The following SARNP variants were observed in gnomAD, a reference collection of about 807,000 sequenced individuals.
SARNP encodes the protein SAP domain-containing ribonucleoprotein.
SARNP carries 5 observed loss-of-function variants against 38.1 expected under a neutral mutation model. The ratio of observed to expected loss-of-function variants is 0.13; its 90% confidence interval spans 0.07 to 0.28. The LOEUF (loss-of-function observed/expected upper bound fraction) is 0.28. Ranked by LOEUF, SARNP falls within the 10% of genes least tolerant of loss-of-function variation. The pLI is 1.00. For synonymous variants in SARNP, 84 were observed against 80.6 expected (o/e 1.04, Z -0.23); for missense variants, 180 against 243.9 (o/e 0.74, Z 1.75).
intron 1 of SARNP, among the ~76,000 whole-genome samples, chr12:55,812,695 A>AT (rs1215301225): frequency 9.9e-5 from 15 of 152,106 alleles, no homozygotes; most frequent in Non-Finnish European, 2.2e-4. Context: ...GTCATCTTTC[A>AT]TTTTTCCCAT....
rs541871424 is a variant in SARNP at position 55,806,982 on chromosome 12, G to C, written c.37-3254C>G. 2.6e-5 allele frequency among the ~76,000 whole-genome samples: 4 copies of C among 152,230 alleles called. No individual in the cohort carries two copies. The South Asian group carries it at 6.2e-4, about 24-fold the overall frequency. Reference sequence around the variant, plus strand: ...TTTATTTTATTTATTTTTAGAGACAGTGGTCTCGCCATGTTGCCCGGGCTG... The same window carrying C: ...TTTATTTTATTTATTTTTAGAGACACTGGTCTCGCCATGTTGCCCGGGCTG... On this transcript the variant is annotated intron_variant, in intron 1 of 10. Transcript: ENST00000336133.
At chr12:55,811,518 CCT>C (rs1043588082) in intron 1 of SARNP, among the ~76,000 whole-genome samples, 13 of 152,098 alleles carry the variant, frequency 8.5e-5, no homozygotes, top group South Asian at 6.2e-4. Context: ...TGCAGTGACC[CCT>C]GATTGTGCCA....
intron 9 of SARNP, among the ~76,000 whole-genome samples, chr12:55,787,581 C>T (rs907978538): frequency 1.3e-5 from 2 of 152,002 alleles, no homozygotes; most frequent in Admixed American, 6.6e-5. Context: ...GGATTACAGG[C>T]ATGTACCACC....
intron 9 of SARNP, among the ~76,000 whole-genome samples, chr12:55,779,286 TC>T (rs1021555380): frequency 6.6e-6 from 1 of 152,204 alleles, no homozygotes; most frequent in Non-Finnish European, 1.5e-5. Flanking sequence ...AAGCTCTTGA[TC>T]AGTGAGGTAT....
rs192370679 is a variant in SARNP at position 55,765,916 on chromosome 12, G to A, written c.502-5276C>T. 1.4e-4 allele frequency among the ~76,000 whole-genome samples: 21 copies of A among 152,138 alleles called. No homozygotes were observed. In the South Asian group the frequency reaches 2.7e-3, roughly 20 times the overall value. On this transcript the variant is annotated intron_variant, in intron 9 of 10. Coordinates refer to ENST00000336133, the MANE Select transcript of SARNP (RefSeq NM_033082.4). The stretch of plus-strand genomic sequence containing the variant: ...ATCTCTCTCACTTGACCCTTCTAGC[G>A]TGACGGTGTTGCATGGAAACAAACG...
chr12:55,810,493 C>T (rs549486421), intron 1 of SARNP, among the ~76,000 whole-genome samples: 2 of 150,068 alleles, frequency 1.3e-5, no homozygotes, highest in Admixed American at 1.3e-4. Context: ...ACTCTTGTCA[C>T]TCAGGCTGGA....
intron 1 of SARNP, among the ~76,000 whole-genome samples, chr12:55,815,620 C>T (rs374724663): frequency 6.6e-6 from 1 of 152,160 alleles, no homozygotes; most frequent in African/African-American, 2.4e-5. Flanking sequence ...CTTGCCACCA[C>T]ACCTGGCTAA....
chr12:55,775,892 A>C (rs1879167210), intron 9 of SARNP, among the ~76,000 whole-genome samples: 2 of 152,206 alleles, frequency 1.3e-5, no homozygotes, highest in Admixed American at 6.5e-5. Context: ...AAGCCTCTCA[A>C]GTATTAACAT....
chr12:55,766,687 A>G (rs2136180339), intron 9 of SARNP, among the ~76,000 whole-genome samples: 1 of 141,820 alleles, frequency 7.1e-6, no homozygotes, highest in South Asian at 2.2e-4. Flanking sequence ...TAGTGGCTCA[A>G]TGTCAGCTCA....
intron 9 of SARNP, among the ~76,000 whole-genome samples, chr12:55,783,952 C>G (rs1879413577): frequency 6.6e-6 from 1 of 152,036 alleles, no homozygotes; most frequent in African/African-American, 2.4e-5. Context: ...AGAAATCAAT[C>G]ATAAACATTA....
At chr12:55,766,786 C>T (rs1044065526) in intron 9 of SARNP, among the ~76,000 whole-genome samples, 4 of 152,078 alleles carry the variant, frequency 2.6e-5, no homozygotes, top group Non-Finnish European at 5.9e-5. Flanking sequence ...ACACGCCCAA[C>T]TAATTTTTGT....
At chr12:55,792,102 A>T (rs569856629) in intron 7 of SARNP, among the ~76,000 whole-genome samples, 2 of 152,300 alleles carry the variant, frequency 1.3e-5, no homozygotes, top group South Asian at 2.1e-4. Flanking sequence ...TAAAAAAAAT[A>T]AAAAAGCACC....
chr12:55,817,645 C>A (rs769725200), intron 1 of SARNP, 21 bp downstream of exon 1: 7 of 1,609,838 alleles, frequency 4.3e-6, no homozygotes, highest in Non-Finnish European at 5.9e-6. Flanking sequence ...TCCAACTCAG[C>A]CCTTCCCCGA....
At chr12:55,792,879 G>A (rs903570945) in intron 7 of SARNP, 1 of 151,914 alleles carries the variant, frequency 6.6e-6, no homozygotes, top group Admixed American at 6.6e-5. Context: ...GAAACAAGGT[G>A]TCACTTTGTT....
rs771178677 is a variant in SARNP, at chr12:55,757,564, GAAGC to G, written c.592-15_592-12del. 34 of 1,604,150 alleles carry G rather than the reference GAAGC, an allele frequency of 2.1e-5. No homozygotes were observed. Among genetic ancestry groups the G allele is most frequent in the Non-Finnish European group, 2.6e-5 (31 of 1,177,294 alleles). On this transcript the variant is annotated splice_polypyrimidine_tract_variant and intron_variant, in intron 10 of 10. Transcript: ENST00000336133. ...TTTCCTCTTCTTTGCCTGTAAAGAA[GAAGC>G]AAGAAGAAAAAAATTAGACTGAAGA... is the stretch of plus-strand genomic sequence containing the variant.
downstream of SARNP, chr12:55,755,814 A>C (rs1878490014): frequency 6.6e-6 from 1 of 152,112 alleles, no homozygotes. Flanking sequence ...ATCCTCACAA[A>C]TTGGAAAACA....
At chr12:55,791,193 A>G (rs1879657971) in intron 7 of SARNP, among the ~76,000 whole-genome samples, 2 of 152,208 alleles carry the variant, frequency 1.3e-5, no homozygotes, top group African/African-American at 2.4e-5. Context: ...GGGAGAGGTA[A>G]TGGAGGATAT....
rs543732562 is a variant in SARNP at position 55,813,992 on chromosome 12, T to G, written c.36+3674A>C. Among the ~76,000 whole-genome samples the G allele has an allele frequency of 5.3e-5, 8 of 152,326 alleles. No individual in the cohort carries two copies. The South Asian group carries it at 1.7e-3, about 32-fold the overall frequency. ...TTATTATGAGAATTAAATCAGTTAG[T>G]GTATGTAAATGGCTTCAAACAGTGC... On this transcript the variant is annotated intron_variant, in intron 1 of 10. Coordinates refer to ENST00000336133, the MANE Select transcript of SARNP (RefSeq NM_033082.4).
intron 9 of SARNP, among the ~76,000 whole-genome samples, chr12:55,775,528 C>CAAAAAAAAAAAAA (rs1170184393): frequency 1.9e-5 from 1 of 53,460 alleles, no homozygotes; most frequent in Admixed American, 1.8e-4. Context: ...CGCTCTGTCT[C>CAAAAAAAAAAAAA]AAAAAAAAAA....
Sources: allele counts gnomAD v4.1 joint callset (sites outside exome capture counted in the v4.1 genomes callset), GRCh38; gene constraint gnomAD v4.1.1; transcripts MANE v1.5; gene names NCBI Gene and HGNC (gene_info 2026-07-23, HGNC 2026-07-21).